The following TACC2 variants were observed in gnomAD, a reference collection of about 807,000 sequenced individuals.
The protein encoded by TACC2 is transforming acidic coiled-coil containing protein 2.
In TACC2, 137 loss-of-function variants were observed where a neutral mutation model predicts 227.3. The ratio of observed to expected loss-of-function variants is 0.60; its 90% CI spans 0.52 to 0.69. TACC2 has a LOEUF of 0.69. Ranked by LOEUF, TACC2 falls within the 30% of genes least tolerant of loss-of-function variation. TACC2 has a pLI of 0.00. For synonymous variants in TACC2, 1,523 were observed against 1,487.5 expected, an observed-to-expected ratio of 1.02 and a Z score of -0.55; for missense variants, 3,470 against 3,694.4, an observed-to-expected ratio of 0.94 and a Z score of 1.57.
rs564606335 is a variant in TACC2 at position 121,996,695 on chromosome 10, G to A, written c.-46+7207G>A. Among the ~76,000 whole-genome samples, 5 of 152,204 alleles carry A rather than the reference G, an allele frequency of 3.3e-5. No homozygotes were observed. The South Asian group carries it at 8.3e-4, about 25-fold the overall frequency. ...TCCCAGGCCACATGACTGAGAGAAC[G>A]AGGTCCTCTAAATCTGATGAGCAAG... On this transcript the variant is annotated intron_variant, in intron 1 of 22. Transcript: ENST00000369005.
At chr10:122,195,286 T>C in intron 8 of TACC2, 110 bp downstream of exon 8, 2 of 967,344 alleles carry the variant, frequency 2.1e-6, no homozygotes, top group Non-Finnish European at 3.0e-6. Flanking sequence ...TGACTCGACC[T>C]CTTGGCTTTG....
At chr10:122,222,847 G>C (rs1335113632) in intron 11 of TACC2, among the ~76,000 whole-genome samples, 4 of 152,168 alleles carry the variant, frequency 2.6e-5, no homozygotes, top group Non-Finnish European at 5.9e-5. Context: ...ATCATTTAGG[G>C]CATGTAATGC....
chr10:122,157,903 T>C (rs1046211811), intron 7 of TACC2, among the ~76,000 whole-genome samples: 1 of 152,030 alleles, frequency 6.6e-6, no homozygotes, highest in Non-Finnish European at 1.5e-5. Context: ...TCATATTCAG[T>C]CTTTTCGAAC....
At chr10:122,082,040 G>C (rs11200384) in intron 3 of TACC2, among the ~76,000 whole-genome samples, 5,850 of 152,060 alleles carry the variant, frequency 0.038, 136 homozygotes, top group African/African-American at 0.058. Flanking sequence ...TGAGTTGTCA[G>C]CACGGTGGCT....
Position 122,210,492 on chromosome 10 carries a change from G to A in TACC2, c.6067G>A (p.Val2023Ile), listed in dbSNP as rs1008585258. 3.1e-6 allele frequency: 5 copies of A among 1,613,960 alleles called. No individual in the cohort carries two copies. Among genetic ancestry groups the A allele is most frequent in the South Asian group, 1.1e-5 (1 of 91,022 alleles). Residue 2023 changes from valine to isoleucine, a missense_variant, in exon 9 of 23, where the codon GTC becomes ATC. Physicochemically the swap from Val to Ile is conservative, Grantham distance 29. This residue lies in a region of TACC2 where 593 missense variants were observed against 636.6 expected (regional missense o/e 0.93). Transcript: ENST00000369005. This position sits in a 1 kb window ranked among gnomAD's most constrained non-coding sequence, Gnocchi z 4.6. ...TCCCCCGTCACACTCCTTCTCTGCC[G>A]TCTTCGATGAAGACAAGCCGATAGC... The part of the protein sequence containing the change: ...FRPPSHSFSA[V>I]FDEDKPIASS...
intron 3 of TACC2, among the ~76,000 whole-genome samples, chr10:122,073,362 G>C (rs2078371435): frequency 6.6e-6 from 1 of 151,902 alleles, no homozygotes; most frequent in Non-Finnish European, 1.5e-5. Flanking sequence ...TGTGTTCAGA[G>C]ACCTGATTTG....
chr10:122,148,097 ATTTTT>A lies in TACC2; in HGVS notation c.5834+4411_5834+4415del, dbSNP rs1172285538. ...CGTTATTCACCCAGGCTGAGCCAGA[ATTTTT>A]TTTTTTTTTTTTTTTTTTTAGGCAG... On this transcript the variant is annotated intron_variant, in intron 7 of 22. Transcript: ENST00000369005. Among the ~76,000 whole-genome samples the A allele has an allele frequency of 2.3e-5, 3 of 131,442 alleles. No homozygotes were observed. In the East Asian group the frequency reaches 6.3e-4, roughly 28 times the overall value. The allele number at this position is 131,442 out of a possible 152,430, so 86.2% of individuals were successfully genotyped here. A position where few individuals can be genotyped will look rare whatever the true frequency, so the allele number is the denominator to read the frequency against.
At chr10:122,231,311 C>G (rs2095743376) in intron 16 of TACC2, among the ~76,000 whole-genome samples, 2 of 152,324 alleles carry the variant, frequency 1.3e-5, no homozygotes, top group Admixed American at 6.5e-5. Flanking sequence ...CACCCCACCC[C>G]AAGTTGGACA....
At chr10:121,991,373 G>A (rs765038097) in intron 1 of TACC2, among the ~76,000 whole-genome samples, 4 of 152,168 alleles carry the variant, frequency 2.6e-5, no homozygotes, top group Non-Finnish European at 4.4e-5. Flanking sequence ...TCTTTGCGCT[G>A]TCCGCCACAT....
rs989883649 is a variant in TACC2 at position 122,087,431 on chromosome 10, C to T, written c.4931C>T (p.Pro1644Leu). 10 of 1,613,918 alleles carry T rather than the reference C, an allele frequency of 6.2e-6. No homozygotes were observed. Among genetic ancestry groups the T allele is most frequent in the African/African-American group, 1.3e-5 (1 of 74,938 alleles). Reference sequence around the variant, plus strand: ...CCTCAGAGGGAGGTTTTGACTGTGCCTGAGGCCAACAGTGAGCCCTGGACC... The same window carrying T: ...CCTCAGAGGGAGGTTTTGACTGTGCTTGAGGCCAACAGTGAGCCCTGGACC... Reference protein sequence around the residue: ...PSPQREVLTVPEANSEPWTLD... With the variant: ...PSPQREVLTVLEANSEPWTLD... The change falls in exon 4 of 23, where the codon CCT becomes CTT. Residue 1644 changes from proline (P) to leucine (L), a missense_variant. Transcript: ENST00000369005.
chr10:122,083,692 G>T lies in TACC2; in HGVS notation c.1192G>T (p.Glu398Ter). 6.2e-7 allele frequency: 1 copy of T among 1,613,018 alleles called. No homozygotes were observed. The highest frequency in any genetic ancestry group is 1.7e-5 in the Admixed American group (1 of 60,028). The change falls in exon 4 of 23, where the codon GAA becomes TAA. Residue 398 changes from glutamate (E) to a stop codon, truncating the protein, a stop_gained. Transcript: ENST00000369005. LOFTEE classifies it high-confidence loss of function. ...VVCVAAGGQP[E>*]GGLPVSPEPS... ...CTGTGTGGCAGCAGGCGGCCAGCCC[G>T]AAGGGGGTTTGCCTGTGAGCCCTGA... is the stretch of plus-strand genomic sequence containing the variant.
At chr10:122,236,594 C>T (rs1158678235) in intron 16 of TACC2, among the ~76,000 whole-genome samples, 1 of 152,286 alleles carries the variant, frequency 6.6e-6, no homozygotes, top group South Asian at 2.1e-4. Context: ...ACAGATTCCT[C>T]CTCCTCACCT....
intron 8 of TACC2, among the ~76,000 whole-genome samples, chr10:122,206,752 T>C (rs2095124047): frequency 6.6e-6 from 1 of 152,216 alleles, no homozygotes; most frequent in Non-Finnish European, 1.5e-5. Context: ...CTGGAGCCTG[T>C]GTGCAAGGCA....
At chr10:122,003,994 G>A (rs1369125058) in intron 1 of TACC2, among the ~76,000 whole-genome samples, 3 of 152,072 alleles carry the variant, frequency 2.0e-5, no homozygotes, top group African/African-American at 7.2e-5. Context: ...AGGGCTAGGA[G>A]CGGTGGCTTA....
chr10:122,206,702 A>G (rs2095122659), intron 8 of TACC2, among the ~76,000 whole-genome samples: 1 of 152,186 alleles, frequency 6.6e-6, no homozygotes, highest in African/African-American at 2.4e-5. Flanking sequence ...CATCTGATGA[A>G]CTGCGGGTGC....
chr10:122,031,808 G>T (rs1477635818), intron 2 of TACC2, among the ~76,000 whole-genome samples: 1 of 147,518 alleles, frequency 6.8e-6, no homozygotes, highest in African/African-American at 2.5e-5. Context: ...AGGTTCAGGT[G>T]ATTCTCCTGC....
At chr10:122,035,831 C>G (rs72839665) in intron 2 of TACC2, among the ~76,000 whole-genome samples, 333 of 152,192 alleles carry the variant, frequency 2.2e-3, no homozygotes, top group Non-Finnish European at 3.3e-3. Context: ...TTCCTTCCTT[C>G]TGACTGGGTC....
chr10:122,236,336 G>GCCT (rs2095856414), intron 16 of TACC2, among the ~76,000 whole-genome samples: 1 of 152,136 alleles, frequency 6.6e-6, no homozygotes, highest in Non-Finnish European at 1.5e-5. Flanking sequence ...AATTTCCCAA[G>GCCT]GGAAGAAGCA....
chr10:122,121,976 G>T (rs2085903866), intron 5 of TACC2, among the ~76,000 whole-genome samples: 1 of 152,190 alleles, frequency 6.6e-6, no homozygotes, highest in South Asian at 2.1e-4. Context: ...GGGTTTCCAG[G>T]CGAGGACAGG....
Sources: gnomAD v4.1 joint callset for allele counts (sites outside exome capture counted in the v4.1 genomes callset) on GRCh38, gnomAD v4.1.1 for gene constraint, gnomAD v4.1.1 regional missense constraint, Gnocchi (gnomAD v3.1) non-coding constraint, MANE v1.5 for transcripts, NCBI Gene and HGNC (gene_info 2026-07-23, HGNC 2026-07-21) for gene names.